The following IL22RA1 variants were observed in gnomAD, a reference collection of about 807,000 sequenced individuals.
IL22RA1 encodes interleukin-22 receptor subunit alpha-1.
Under a neutral mutation model 32.8 loss-of-function variants are expected in IL22RA1, and 25 were observed. The observed-to-expected ratio is 0.76, with a 90% CI of 0.55 to 1.06. IL22RA1 has a LOEUF of 1.06. IL22RA1 is among the 50% of genes least tolerant of loss of function. The probability of loss-of-function intolerance (pLI) is 0.00; values close to 1 mark genes in which losing one functional copy is unlikely to be tolerated. For synonymous variants in IL22RA1, 305 were observed against 305.0 expected (o/e 1.00, Z 0.00); for missense variants, 709 against 727.4 (o/e 0.97, Z 0.29).
chr1:24,121,862 T>G, intron 6 of IL22RA1, 125 bp from the exon 7 acceptor site: 1 of 627,468 alleles, frequency 1.6e-6, no homozygotes, highest in Non-Finnish European at 2.5e-6. Context: ...GATGCGTCTG[T>G]CCCATATCCC....
intron 4 of IL22RA1, among the ~76,000 whole-genome samples, chr1:24,133,669 A>G (rs371307792): frequency 3.3e-5 from 5 of 152,338 alleles, no homozygotes; most frequent in Admixed American, 6.5e-5. Flanking sequence ...TAATGTGAAC[A>G]TCTGAAGATA....
intron 4 of IL22RA1, among the ~76,000 whole-genome samples, chr1:24,132,533 C>T (rs1235534302): frequency 6.6e-6 from 1 of 151,688 alleles, no homozygotes; most frequent in Non-Finnish European, 1.5e-5. Context: ...AGGGTTTCAC[C>T]GTGTTAGCCA....
rs564940735 is a variant in IL22RA1 at position 24,142,050 on chromosome 1, T to C, written c.43+990A>G. 2.6e-5 allele frequency among the ~76,000 whole-genome samples: 4 copies of C among 152,260 alleles called. No homozygotes were observed. In the East Asian group the frequency reaches 5.8e-4, roughly 22 times the overall value. ...AAGGGCTGGGAGCCTCTAGGATTTC[T>C]AACCAGTATGGCTGAGGGTCTAAAG... On this transcript the variant is annotated intron_variant, in intron 1 of 6. Coordinates refer to ENST00000270800, the MANE Select transcript of IL22RA1 (RefSeq NM_021258.4).
chr1:24,120,746 G>A lies in IL22RA1; in HGVS notation c.*59C>T. The A allele has an allele frequency of 2.7e-6, 4 of 1,469,226 alleles. No individual in the cohort carries two copies. The highest frequency in any genetic ancestry group is 2.8e-6 in the Non-Finnish European group (3 of 1,084,462). The allele number at this position is 1,469,226 out of a possible 1,614,324, so 91.0% of individuals were successfully genotyped here. On this transcript the variant is annotated 3_prime_UTR_variant, in exon 7 of 7. Coordinates refer to ENST00000270800, the MANE Select transcript of IL22RA1 (RefSeq NM_021258.4). ...GGCGTGGGCAGGCATGGGATTGACA[G>A]CCAAGGATGTGACACTGGGTAGGGA...
chr1:24,138,618 C>G lies in IL22RA1; in HGVS notation c.140G>C (p.Gly47Ala), dbSNP rs1396901042. 2 of 1,614,132 alleles carry G rather than the reference C, an allele frequency of 1.2e-6. No homozygotes were observed. The highest frequency in any genetic ancestry group is 2.2e-5 in the South Asian group (2 of 91,086). ...NILTWDSGPE[G>A]TPDTVYSIEY... ...GATGCTGTAGACCGTGTCTGGGGTG[C>G]CCTCCGGCCCGCTGTCCCACGTCAG... The change falls in exon 2 of 7, where the codon GGC becomes GCC. Residue 47 changes from glycine (G) to alanine (A), a missense_variant. Physicochemically the swap from Gly to Ala is moderately conservative, Grantham distance 60. Transcript: ENST00000270800.
At position 24,123,268 on chromosome 1, in the gene IL22RA1, G is replaced by A. The variant is rs770730447; in HGVS notation, c.792+34C>T. 8 of 1,604,638 alleles carry A rather than the reference G, an allele frequency of 5.0e-6. No individual in the cohort carries two copies. The South Asian group carries it at 7.8e-5, about 16-fold the overall frequency. ...ACCTCGGAGCCCAGGCCCTCCCCTG[G>A]ACCTCTCCCTCCCACCCTGGGGGGA... On this transcript the variant is annotated intron_variant, in intron 6 of 6. Transcript: ENST00000270800.
At chr1:24,142,618 C>G (rs947338562) in intron 1 of IL22RA1, among the ~76,000 whole-genome samples, 6 of 152,208 alleles carry the variant, frequency 3.9e-5, no homozygotes, top group Admixed American at 2.6e-4. Flanking sequence ...GCTTCGTTTC[C>G]CCCGGTCCTT....
chr1:24,137,051 A>C, intron 3 of IL22RA1, 80 bp downstream of exon 3: 1 of 1,374,270 alleles, frequency 7.3e-7, no homozygotes, highest in Non-Finnish European at 1.0e-6. Flanking sequence ...CCCACTCCAG[A>C]GGGGAAGAGG....
intron 4 of IL22RA1, among the ~76,000 whole-genome samples, chr1:24,130,406 C>T (rs980228429): frequency 1.8e-4 from 28 of 152,182 alleles, no homozygotes; most frequent in African/African-American, 5.1e-4. Flanking sequence ...AATCCCTGAC[C>T]GGCCCCTAAA....
At chr1:24,123,167 T>G in intron 6 of IL22RA1, 135 bp downstream of exon 6, 7 of 1,315,908 alleles carry the variant, frequency 5.3e-6, no homozygotes, top group African/African-American at 1.5e-5. Context: ...GCTGGGACTG[T>G]GAGCTCCGTG....
At chr1:24,138,278 A>C (rs539156646) in intron 2 of IL22RA1, among the ~76,000 whole-genome samples, 1 of 152,352 alleles carries the variant, frequency 6.6e-6, no homozygotes, top group African/African-American at 2.4e-5. Context: ...CTGTGATGAA[A>C]GTGCTATCAT....
At chr1:24,142,953 C>A in intron 1 of IL22RA1, 87 bp downstream of exon 1, 1 of 1,295,718 alleles carries the variant, frequency 7.7e-7, no homozygotes, top group South Asian at 1.2e-5. Context: ...TGGCTATGCT[C>A]GGGCTGGGGA....
intron 5 of IL22RA1, among the ~76,000 whole-genome samples, chr1:24,126,611 A>T (rs962775817): frequency 2.0e-5 from 3 of 152,026 alleles, no homozygotes; most frequent in Non-Finnish European, 4.4e-5. Flanking sequence ...TGCAAACTCA[A>T]CTCTATTCTG....
At chr1:24,127,860 G>T (rs74060504) in intron 5 of IL22RA1, among the ~76,000 whole-genome samples, 2,335 of 152,150 alleles carry the variant, frequency 0.015, 77 homozygotes, top group African/African-American at 0.053. Context: ...TCTCACCTGG[G>T]TTAATATTAA....
intron 2 of IL22RA1, 135 bp downstream of exon 2, chr1:24,138,447 A>C: frequency 1.1e-6 from 1 of 904,456 alleles, no homozygotes; most frequent in Non-Finnish European, 1.7e-6. Flanking sequence ...ATAAAGGAGC[A>C]AAGCTTTATC....
rs775254539 is a variant in IL22RA1, at chr1:24,121,097, G to C, written c.1433C>G (p.Pro478Arg). Residue 478 changes from proline to arginine, a missense_variant, in exon 7 of 7, where the codon CCA becomes CGA. Physicochemically the swap from Pro to Arg is moderately radical, Grantham distance 103. Coordinates refer to ENST00000270800, the MANE Select transcript of IL22RA1 (RefSeq NM_021258.4). Reference protein sequence around the residue: ...LGICTDRTSDPNVLHSGEEGT... With the variant: ...LGICTDRTSDRNVLHSGEEGT... ...TTCCTCCCCACTGTGTAGCACATTT[G>C]GGTCAGATGTTCTGTCTGTGCAAAT... The C allele has an allele frequency of 6.2e-7, 1 of 1,614,054 alleles. No homozygotes were observed. Among genetic ancestry groups the C allele is most frequent in the Non-Finnish European group, 8.5e-7 (1 of 1,180,032 alleles).
Position 24,128,277 on chromosome 1 carries a change from G to A in IL22RA1, c.534C>T (p.His178=). ...CATATTCTCTCTGCTTCCCTCCAAG[G>A]TGCTGAATTGGACAGAGAATGGAAT... The part of the protein sequence containing the change: ...ELQVNRTYQM[H]LGGKQREYEF... The change falls in exon 5 of 7, where the codon CAC becomes CAT. Residue 178 remains histidine (H), a splice_region_variant and synonymous_variant. Coordinates refer to ENST00000270800, the MANE Select transcript of IL22RA1 (RefSeq NM_021258.4). 1.7e-5 allele frequency: 27 copies of A among 1,613,452 alleles called. No homozygotes were observed. The highest frequency in any genetic ancestry group is 2.2e-5 in the Non-Finnish European group (26 of 1,179,724).
At position 24,137,045 on chromosome 1, in the gene IL22RA1, C is replaced by A. The variant is rs1569579334; in HGVS notation, c.355+86G>T. The A allele has an allele frequency of 9.7e-6, 13 of 1,345,998 alleles. No homozygotes were observed. In the East Asian group the frequency reaches 3.1e-4, roughly 32 times the overall value. The allele number at this position is 1,345,998 out of a possible 1,614,324, so 83.4% of individuals were successfully genotyped here. ...GAGCCCCTTCTGGACCCTCCACCCA[C>A]TCCAGAGGGGAAGAGGCCATCCCAC... On this transcript the variant is annotated intron_variant, in intron 3 of 6. Coordinates refer to ENST00000270800, the MANE Select transcript of IL22RA1 (RefSeq NM_021258.4).
intron 4 of IL22RA1, among the ~76,000 whole-genome samples, chr1:24,132,872 C>A (rs1360838968): frequency 6.6e-6 from 1 of 151,390 alleles, no homozygotes; most frequent in Non-Finnish European, 1.5e-5. Context: ...CTGCTTTTCT[C>A]TCTGATCATG....
Sources: gnomAD v4.1 joint callset for allele counts (sites outside exome capture counted in the v4.1 genomes callset) on GRCh38, gnomAD v4.1.1 for gene constraint, MANE v1.5 for transcripts, NCBI Gene and HGNC (gene_info 2026-07-23, HGNC 2026-07-21) for gene names.